Variants in TFG observed in about 807,000 individuals in gnomAD.
TFG encodes trafficking from ER to golgi regulator.
TFG carries 22 observed loss-of-function variants against 51.4 expected under a neutral mutation model. The observed-to-expected ratio is 0.43, with a 90% CI of 0.31 to 0.61. The LOEUF (loss-of-function observed/expected upper bound fraction) is 0.61, where lower values mean the gene tolerates loss of function less well. TFG is among the 20% of genes least tolerant of loss of function. TFG has a pLI of 0.12. For missense variants in TFG, 419 were observed against 487.7 expected (o/e 0.86, Z 1.33); for synonymous variants, 187 against 165.6 (o/e 1.13, Z -0.99).
chr3:100,736,555 G>GA (rs751225466), intron 5 of TFG, 21 bp from the exon 6 acceptor site: 5 of 1,612,466 alleles, frequency 3.1e-6, no homozygotes, highest in Non-Finnish European at 3.4e-6. Flanking sequence ...ATACTAAACT[G>GA]ACTTTTTTTT....
At chr3:100,713,141 C>A (rs2095035520) in intron 1 of TFG, among the ~76,000 whole-genome samples, 1 of 152,166 alleles carries the variant, frequency 6.6e-6, no homozygotes, top group South Asian at 2.1e-4. Flanking sequence ...GGAGTCTTTT[C>A]CAGTCATTTA....
chr3:100,748,694 A>G lies in TFG; in HGVS notation c.*163A>G. On this transcript the variant is annotated 3_prime_UTR_variant, in exon 8 of 8. Coordinates refer to ENST00000240851, the MANE Select transcript of TFG (RefSeq NM_006070.6). ...TTGAAAGTATAATTTGCTGGAACAC[A>G]AAGACCAAAATGAAAGTTTTTTCCT... 1.2e-6 allele frequency: 1 copy of G among 853,548 alleles called. No individual in the cohort carries two copies. The allele number at this position is 853,548 out of a possible 1,614,324, so 52.9% of individuals were successfully genotyped here.
chr3:100,748,122 T>C (rs1295942431), intron 7 of TFG, 27 bp from the exon 8 acceptor site: 1 of 1,601,208 alleles, frequency 6.2e-7, no homozygotes, highest in Non-Finnish European at 8.5e-7. Flanking sequence ...AAAGATAAGA[T>C]ACATGTTATT....
chr3:100,719,942 TAA>T, intron 2 of TFG, 31 bp from the exon 3 acceptor site: 14 of 1,418,790 alleles, frequency 9.9e-6, no homozygotes, highest in Non-Finnish European at 1.3e-5. Context: ...TTTAAAAAAT[TAA>T]AAAACAACCT....
intron 5 of TFG, 32 bp downstream of exon 5, chr3:100,732,704 C>T (rs761238366): frequency 1.3e-5 from 20 of 1,537,238 alleles, no homozygotes; most frequent in African/African-American, 7.0e-5. Context: ...TTACACCCTT[C>T]GTTTCCTTCA....
chr3:100,745,348 T>C (rs2095132149), intron 7 of TFG, among the ~76,000 whole-genome samples: 1 of 152,206 alleles, frequency 6.6e-6, no homozygotes, highest in South Asian at 2.1e-4. Flanking sequence ...AAAGGTGATG[T>C]TATTTAAATA....
chr3:100,737,971 A>G (rs2095111178), intron 6 of TFG, among the ~76,000 whole-genome samples: 3 of 151,974 alleles, frequency 2.0e-5, no homozygotes, highest in Admixed American at 2.0e-4. Flanking sequence ...AAGTGGGAGG[A>G]TTGTTTGCAT....
At chr3:100,738,071 AAAAC>A (rs763052199) in intron 6 of TFG, among the ~76,000 whole-genome samples, 35 of 75,466 alleles carry the variant, frequency 4.6e-4, no homozygotes, top group Middle Eastern at 6.8e-3. Flanking sequence ...CCCTGTCTCA[AAAAC>A]AAACAAAGCC....
At chr3:100,747,618 A>G (rs1260776307) in intron 7 of TFG, among the ~76,000 whole-genome samples, 2 of 152,154 alleles carry the variant, frequency 1.3e-5, no homozygotes, top group Non-Finnish European at 2.9e-5. Flanking sequence ...TTGAGTTGTA[A>G]AGGCAAAAAA....
intron 6 of TFG, among the ~76,000 whole-genome samples, chr3:100,740,676 T>G (rs548897973): frequency 7.7e-4 from 118 of 152,284 alleles, no homozygotes; most frequent in African/African-American, 2.8e-3. Flanking sequence ...GCTATACATG[T>G]GCAGAAGCCG....
At chr3:100,714,172 C>G (rs767657694) in intron 2 of TFG, among the ~76,000 whole-genome samples, 1 of 152,050 alleles carries the variant, frequency 6.6e-6, no homozygotes, top group Non-Finnish European at 1.5e-5. Flanking sequence ...ATGTGATGTT[C>G]CTATAGTTAC....
At chr3:100,732,779 C>A in intron 5 of TFG, 107 bp downstream of exon 5, 2 of 985,578 alleles carry the variant, frequency 2.0e-6, no homozygotes, top group Non-Finnish European at 3.0e-6. Context: ...GTGAAGTGCA[C>A]AAATCTTAAG....
At chr3:100,734,341 G>T (rs72928632) in intron 5 of TFG, among the ~76,000 whole-genome samples, 2 of 151,998 alleles carry the variant, frequency 1.3e-5, no homozygotes, top group South Asian at 2.1e-4. Flanking sequence ...AGATATCCTC[G>T]TCTGCTCTCC....
intron 4 of TFG, 117 bp downstream of exon 4, chr3:100,728,975 C>G: frequency 1.2e-6 from 1 of 855,664 alleles, no homozygotes; most frequent in East Asian, 2.8e-5. Context: ...TTGTTTCTTC[C>G]TCTGCCTCTC....
chr3:100,709,381 A>T (rs946563269), upstream of TFG: 1 of 152,564 alleles, frequency 6.6e-6, no homozygotes, highest in Non-Finnish European at 1.5e-5. Flanking sequence ...CGGCCTAGGC[A>T]GCCGGGACCC....
At chr3:100,732,389 G>A (rs572300331) in intron 4 of TFG, 119 bp from the exon 5 acceptor site, 7 of 593,660 alleles carry the variant, frequency 1.2e-5, no homozygotes, top group African/African-American at 1.9e-5. Flanking sequence ...CCTATATTCC[G>A]ACATGCTTAA....
chr3:100,733,245 G>A (rs2095096802), intron 5 of TFG, among the ~76,000 whole-genome samples: 1 of 151,844 alleles, frequency 6.6e-6, no homozygotes, highest in East Asian at 1.9e-4. Context: ...ACATACATTG[G>A]AGAGCTTGAT....
chr3:100,731,765 C>G (rs1009205073), intron 4 of TFG, among the ~76,000 whole-genome samples: 7 of 152,032 alleles, frequency 4.6e-5, no homozygotes, highest in Non-Finnish European at 1.0e-4. Context: ...CCAGGCTGGT[C>G]TCGAGCTCCT....
chr3:100,741,893 T>C (rs575896933), intron 6 of TFG, among the ~76,000 whole-genome samples: 1 of 152,330 alleles, frequency 6.6e-6, no homozygotes, highest in African/African-American at 2.4e-5. Flanking sequence ...CTATGTACCA[T>C]ATAGCCTAGC....
Sources: gnomAD v4.1 joint callset for allele counts (sites outside exome capture counted in the v4.1 genomes callset) on GRCh38, gnomAD v4.1.1 for gene constraint, MANE v1.5 for transcripts, NCBI Gene and HGNC (gene_info 2026-07-23, HGNC 2026-07-21) for gene names.